Variants in HEG1 observed in about 807,000 individuals in gnomAD.
HEG1 encodes the protein protein HEG homolog 1.
A neutral mutation model predicts 125.6 loss-of-function variants in HEG1; 56 were observed. The observed-to-expected ratio is 0.45, with a 90% CI of 0.36 to 0.56. The LOEUF (loss-of-function observed/expected upper bound fraction) is 0.56. Ranked by LOEUF, HEG1 falls within the 20% of genes least tolerant of loss-of-function variation. HEG1 has a pLI of 0.00. For missense variants in HEG1, 1,523 were observed against 1,670.0 expected, an observed-to-expected ratio of 0.91 and a Z score of 1.53; for synonymous variants, 644 against 668.5, an observed-to-expected ratio of 0.96 and a Z score of 0.57.
intron 2 of HEG1, among the ~76,000 whole-genome samples, chr3:125,028,840 C>T (rs1190296005): frequency 1.3e-5 from 2 of 152,186 alleles, no homozygotes; most frequent in East Asian, 1.9e-4. Flanking sequence ...GCAAGAACAA[C>T]CGTTTGGGCC....
chr3:125,014,783 A>G (rs768336483), intron 5 of HEG1: 2 of 1,289,808 alleles, frequency 1.6e-6, no homozygotes, highest in Non-Finnish European at 2.0e-6. Context: ...TTACGTGCAG[A>G]GAGGCACCCT....
chr3:125,014,507 T>C (rs1937214119), intron 5 of HEG1, among the ~76,000 whole-genome samples: 1 of 152,028 alleles, frequency 6.6e-6, no homozygotes, highest in Non-Finnish European at 1.5e-5. Flanking sequence ...CCAAATTCCT[T>C]AGGTGAGTGT....
At chr3:124,979,706 G>A (rs1301138751) in intron 14 of HEG1, among the ~76,000 whole-genome samples, 1 of 152,148 alleles carries the variant, frequency 6.6e-6, no homozygotes, top group African/African-American at 2.4e-5. Context: ...GGCCGAGGCA[G>A]GCAGATCACG....
Position 124,968,631 on chromosome 3 carries a change from G to C in HEG1, c.*2021C>G, listed in dbSNP as rs905311201. On this transcript the variant is annotated 3_prime_UTR_variant, in exon 17 of 17. Transcript: ENST00000311127. ...TCAGCTGTGACGTCAGCTGAAGGCA[G>C]TGGAAGTGTATGCCTGGGAATAGCC... 1 of 152,232 alleles carries C rather than the reference G, an allele frequency of 6.6e-6. No individual in the cohort carries two copies. The highest frequency in any genetic ancestry group is 2.1e-4 in the South Asian group (1 of 4,826). 9.4% of individuals were successfully genotyped at this position (152,232 alleles called of 1,614,324 possible).
intron 5 of HEG1, among the ~76,000 whole-genome samples, chr3:125,017,358 A>C (rs1034204940): frequency 6.6e-6 from 1 of 152,242 alleles, no homozygotes; most frequent in Non-Finnish European, 1.5e-5. Flanking sequence ...GCCGGCCATA[A>C]AGAACTCTTA....
At position 125,055,598 on chromosome 3, in the gene HEG1, C is replaced by G. The variant is rs752135717; in HGVS notation, c.293G>C (p.Arg98Pro). ...GAATQRGPSG[R>P]APRGGSADAA... Reference sequence around the variant, plus strand: ...ACCCGCGCTCCCGCCTCTGGGGGCCCGGCCGGAGGGTCCCCGCTGTGTCGC... The same window carrying G: ...ACCCGCGCTCCCGCCTCTGGGGGCCGGGCCGGAGGGTCCCCGCTGTGTCGC... The change falls in exon 1 of 17, where the codon CGG (arginine) becomes CCG (proline). Residue 98 changes from arginine to proline, a missense_variant. Coordinates refer to ENST00000311127, the MANE Select transcript of HEG1 (RefSeq NM_020733.2). 55 of 1,205,294 alleles carry G rather than the reference C, an allele frequency of 4.6e-5. No homozygotes were observed. Among genetic ancestry groups the G allele is most frequent in the Non-Finnish European group, 5.6e-5 (54 of 970,684 alleles). The allele number at this position is 1,205,294 out of a possible 1,614,324, so 74.7% of individuals were successfully genotyped here.
chr3:125,047,695 C>T (rs1300181538), intron 1 of HEG1, among the ~76,000 whole-genome samples: 1 of 152,188 alleles, frequency 6.6e-6, no homozygotes, highest in Non-Finnish European at 1.5e-5. Context: ...TCCTATCACC[C>T]AGAAAAGGAA....
intron 1 of HEG1, among the ~76,000 whole-genome samples, chr3:125,052,472 CT>C (rs1267456185): frequency 6.6e-6 from 1 of 152,188 alleles, no homozygotes; most frequent in Non-Finnish European, 1.5e-5. Flanking sequence ...TGCTCAGCTA[CT>C]CAGCGTCATT....
intron 1 of HEG1, among the ~76,000 whole-genome samples, chr3:125,043,129 C>T (rs1008174722): frequency 1.3e-5 from 2 of 152,222 alleles, no homozygotes; most frequent in Admixed American, 6.5e-5. Flanking sequence ...AAACGCTTCC[C>T]CTGCAAGCGC....
rs1936582910 is a variant in HEG1 at position 124,978,314 on chromosome 3, ATT to A, written c.3734-370_3734-369del. Among the ~76,000 whole-genome samples, 3 of 152,050 alleles carry A rather than the reference ATT, an allele frequency of 2.0e-5. No individual in the cohort carries two copies. In the South Asian group the frequency reaches 6.2e-4, roughly 32 times the overall value. On this transcript the variant is annotated intron_variant, in intron 14 of 16. Transcript: ENST00000311127. ...AGGTGCGTGCCACCAGGCCCGGCTA[ATT>A]TTTTGTATTTTTAGTAGAGACAGGG...
chr3:125,031,943 A>G (rs1937508170), intron 1 of HEG1, among the ~76,000 whole-genome samples: 1 of 152,204 alleles, frequency 6.6e-6, no homozygotes, highest in Non-Finnish European at 1.5e-5. Flanking sequence ...TAGTAGCTGC[A>G]TTTTTAAAAT....
intron 16 of HEG1, among the ~76,000 whole-genome samples, chr3:124,972,639 C>T (rs948740137): frequency 6.6e-6 from 1 of 152,190 alleles, no homozygotes; most frequent in African/African-American, 2.4e-5. Flanking sequence ...GGCAAGGTTT[C>T]ACATTTATTG....
chr3:124,987,924 T>TATACACACACACACACACAC (rs1936765976), intron 14 of HEG1, among the ~76,000 whole-genome samples: 1 of 67,654 alleles, frequency 1.5e-5, no homozygotes, highest in Non-Finnish European at 3.1e-5. Flanking sequence ...TATATATGTG[T>TATACACACACACACACACAC]ACACACACAC....
chr3:125,009,662 A>G (rs762998521), intron 8 of HEG1, 43 bp downstream of exon 8: 2 of 1,555,040 alleles, frequency 1.3e-6, no homozygotes, highest in Non-Finnish European at 8.8e-7. Flanking sequence ...TGTAAAATAT[A>G]TTGTGGTACG....
intron 1 of HEG1, among the ~76,000 whole-genome samples, chr3:125,042,323 G>A (rs1023426717): frequency 5.9e-5 from 9 of 152,162 alleles, no homozygotes; most frequent in Admixed American, 1.3e-4. Context: ...AGCTACTCAG[G>A]AGGCTGAGGT....
At chr3:125,018,989 C>T (rs1937293699) in intron 5 of HEG1, among the ~76,000 whole-genome samples, 1 of 151,786 alleles carries the variant, frequency 6.6e-6, no homozygotes, top group Admixed American at 6.6e-5. Context: ...GCCTCAGCCT[C>T]CCAAGTAGCT....
rs555346861 is a variant in HEG1, at chr3:125,013,408, G to A, written c.2171C>T (p.Thr724Met). The change falls in exon 6 of 17, where the codon ACG becomes ATG. Residue 724 changes from threonine to methionine, a missense_variant. Thr to Met is a moderately conservative substitution (Grantham distance 81, BLOSUM62 -1). Transcript: ENST00000311127. ...AGAAAGTGGGGCAGATGTAGATGTC[G>A]TTAAGGATACTGGTAAAGGTGATGG... ...SSPSPLPVSL[T>M]TSTSAPLSVS... The A allele has an allele frequency of 1.1e-4, 175 of 1,613,984 alleles. 4 individuals are homozygous for A. Among genetic ancestry groups the A allele is most frequent in the South Asian group, 9.7e-4 (88 of 91,076 alleles).
intron 1 of HEG1, among the ~76,000 whole-genome samples, chr3:125,031,656 CACACACACACACACATACATACAT>C (rs1469788723): frequency 7.0e-6 from 1 of 143,204 alleles, no homozygotes; most frequent in African/African-American, 2.8e-5. Context: ...CTAAATACCA[CACACACACACACACATACATACAT>C]ACACACACAC....
chr3:125,007,840 C>T (rs984033360), intron 8 of HEG1, among the ~76,000 whole-genome samples: 2 of 152,116 alleles, frequency 1.3e-5, no homozygotes, highest in Non-Finnish European at 1.5e-5. Context: ...AAACTGAAAA[C>T]TCCTGGCAAT....
Sources: gnomAD v4.1 joint callset for allele counts (sites outside exome capture counted in the v4.1 genomes callset) on GRCh38, gnomAD v4.1.1 for gene constraint, MANE v1.5 for transcripts, NCBI Gene and HGNC (gene_info 2026-07-23, HGNC 2026-07-21) for gene names.